CSMD1: variants seen among roughly 807,000 people sequenced by gnomAD.
The protein encoded by CSMD1 is CUB and Sushi multiple domains 1.
CSMD1 carries 213 observed loss-of-function variants against 417.5 expected under a neutral mutation model. The observed-to-expected ratio is 0.51, with a 90% confidence interval of 0.46 to 0.57. The LOEUF (loss-of-function observed/expected upper bound fraction) is 0.57, where lower values mean the gene tolerates loss of function less well. Ranked by LOEUF, CSMD1 falls within the 20% of genes least tolerant of loss-of-function variation. The pLI is 0.00. For missense variants in CSMD1, 6,923 were observed against 4,529.7 expected, an observed-to-expected ratio of 1.53 and a Z score of -15.17; for synonymous variants, 2,862 against 1,736.8, an observed-to-expected ratio of 1.65 and a Z score of -16.11.
chr8:3,863,621 T>C (rs565694745), intron 5 of CSMD1, among the ~76,000 whole-genome samples: 1 of 152,314 alleles, frequency 6.6e-6, no homozygotes, highest in East Asian at 1.9e-4. Context: ...ATGTATGTTT[T>C]GTTCACTTCA....
chr8:4,898,968 A>G (rs1056675242), intron 1 of CSMD1, among the ~76,000 whole-genome samples: 1 of 152,198 alleles, frequency 6.6e-6, no homozygotes, highest in Non-Finnish European at 1.5e-5. Context: ...ATTATTTTTA[A>G]TATTACGGTA....
Position 4,618,869 on chromosome 8 carries a change from G to A in CSMD1, c.302+18473C>T, listed in dbSNP as rs116922370. Among the ~76,000 whole-genome samples, 851 of 152,230 alleles carry A rather than the reference G, an allele frequency of 5.6e-3. 7 individuals carry two copies. Among genetic ancestry groups the A allele is most frequent in the Middle Eastern group, 0.02 (6 of 294 alleles). Reference sequence around the variant, plus strand: ...TTAATGTGTGGTATATGAAATACAAGAGTACACGTAATAGAATAGACAGAG... The same window carrying A: ...TTAATGTGTGGTATATGAAATACAAAAGTACACGTAATAGAATAGACAGAG... On this transcript the variant is annotated intron_variant, in intron 2 of 69. Transcript: ENST00000635120.
intron 37 of CSMD1, among the ~76,000 whole-genome samples, chr8:3,174,886 G>A (rs1158143944): frequency 1.3e-5 from 2 of 151,828 alleles, no homozygotes; most frequent in Admixed American, 1.3e-4. Flanking sequence ...AAAAAATCTA[G>A]ATATTCTTAT....
chr8:4,174,110 G>A (rs1481353178), intron 3 of CSMD1, among the ~76,000 whole-genome samples: 1 of 152,116 alleles, frequency 6.6e-6, no homozygotes, highest in Admixed American at 6.5e-5. Flanking sequence ...CAGAGTGGAG[G>A]GTAGGGCAAG....
At chr8:3,310,709 C>T (rs531970637) in intron 23 of CSMD1, among the ~76,000 whole-genome samples, 105 of 152,150 alleles carry the variant, frequency 6.9e-4, no homozygotes, top group South Asian at 2.1e-3. Flanking sequence ...GGGTGAGGGC[C>T]GCCCATGCTA....
At chr8:4,237,679 C>A (rs553808632) in intron 3 of CSMD1, among the ~76,000 whole-genome samples, 1 of 152,202 alleles carries the variant, frequency 6.6e-6, no homozygotes, top group East Asian at 1.9e-4. Context: ...CCATGCCCAG[C>A]TAATTTTACT....
At chr8:3,177,716 G>A (rs1292496665) in intron 37 of CSMD1, among the ~76,000 whole-genome samples, 1 of 152,100 alleles carries the variant, frequency 6.6e-6, no homozygotes, top group Non-Finnish European at 1.5e-5. Flanking sequence ...CAATCTTGTT[G>A]TTCCTCCCAC....
chr8:3,709,153 A>ATT lies in CSMD1; in HGVS notation c.932-664_932-663dup, dbSNP rs10646728. Reference sequence around the variant, plus strand: ...TGCATTAAACATTTTAAGAAGTTTCATTTTTTTTTTTTGGTCACTTACGGA... The same window carrying ATT: ...TGCATTAAACATTTTAAGAAGTTTCATTTTTTTTTTTTTTGGTCACTTACGGA... On this transcript the variant is annotated intron_variant, in intron 6 of 69. Coordinates refer to ENST00000635120, the MANE Select transcript of CSMD1 (RefSeq NM_033225.6). Among the ~76,000 whole-genome samples, 623 of 145,986 alleles carry ATT rather than the reference A, an allele frequency of 4.3e-3. 4 individuals are homozygous for ATT. Among genetic ancestry groups the ATT allele is most frequent in the East Asian group, 5.9e-3 (29 of 4,942 alleles).
chr8:4,413,843 G>A (rs1040222400), intron 3 of CSMD1, among the ~76,000 whole-genome samples: 2 of 152,134 alleles, frequency 1.3e-5, no homozygotes, highest in Non-Finnish European at 2.9e-5. Context: ...TACTTGTTAT[G>A]AAATGAGGAA....
chr8:4,441,884 G>A (rs1436809708), intron 2 of CSMD1, among the ~76,000 whole-genome samples: 1 of 152,184 alleles, frequency 6.6e-6, no homozygotes, highest in Non-Finnish European at 1.5e-5. Flanking sequence ...TTTAAAGTAT[G>A]CTGCTACAAT....
intron 7 of CSMD1, among the ~76,000 whole-genome samples, chr8:3,692,247 T>TA (rs1344559094): frequency 6.6e-6 from 1 of 152,160 alleles, no homozygotes; most frequent in Non-Finnish European, 1.5e-5. Context: ...ACAGCCCCCT[T>TA]AGTCGCTATC....
At position 3,647,247 on chromosome 8, in the gene CSMD1, T is replaced by C. The variant is rs761312970; in HGVS notation, c.1010-30450A>G. ...CTGTGAAACTTCAGCAAGGGATGAGTAACAACTCAGATAAAAGGAGACCAG... is the reference window on the plus strand; with the variant it reads ...CTGTGAAACTTCAGCAAGGGATGAGCAACAACTCAGATAAAAGGAGACCAG... On this transcript the variant is annotated intron_variant, in intron 7 of 69. Coordinates refer to ENST00000635120, the MANE Select transcript of CSMD1 (RefSeq NM_033225.6). 5.7e-4 allele frequency among the ~76,000 whole-genome samples: 86 copies of C among 152,128 alleles called. 1 individual carries two copies. The highest frequency in any genetic ancestry group is 3.0e-3 in the Admixed American group (46 of 15,266).
intron 2 of CSMD1, among the ~76,000 whole-genome samples, chr8:4,520,938 A>G (rs958794506): frequency 6.6e-6 from 1 of 152,168 alleles, no homozygotes; most frequent in African/African-American, 2.4e-5. Context: ...AATTAGTCAT[A>G]TCAGTTATGA....
chr8:4,442,062 A>C (rs1375642469), intron 2 of CSMD1, among the ~76,000 whole-genome samples: 5 of 152,104 alleles, frequency 3.3e-5, no homozygotes, highest in Admixed American at 2.6e-4. Flanking sequence ...ATTTTGTTTC[A>C]AAACTGCTCA....
intron 3 of CSMD1, among the ~76,000 whole-genome samples, chr8:4,152,718 TAC>T (rs565727046): frequency 6.6e-6 from 1 of 151,800 alleles, no homozygotes; most frequent in East Asian, 1.9e-4. Context: ...CCTTTACATA[TAC>T]ACACACACAA....
Position 3,399,540 on chromosome 8 carries a change from A to G in CSMD1, c.2267-11T>C, listed in dbSNP as rs771609196. 6.4e-7 allele frequency: 1 copy of G among 1,573,384 alleles called. No homozygotes were observed. Among genetic ancestry groups the G allele is most frequent in the Admixed American group, 1.9e-5 (1 of 53,064 alleles). ...GTCCACCACATGGAGCTAAAACAAGACGTAGAATATCTATTAGATCCAATG... is the reference window on the plus strand; with the variant it reads ...GTCCACCACATGGAGCTAAAACAAGGCGTAGAATATCTATTAGATCCAATG... On this transcript the variant is annotated splice_polypyrimidine_tract_variant and intron_variant, in intron 15 of 69. Transcript: ENST00000635120.
intron 4 of CSMD1, among the ~76,000 whole-genome samples, chr8:4,007,708 T>G (rs1816235985): frequency 6.6e-6 from 1 of 152,140 alleles, no homozygotes; most frequent in Admixed American, 6.5e-5. Context: ...GAATGAAAAT[T>G]GAATGACTCT....
intron 2 of CSMD1, among the ~76,000 whole-genome samples, chr8:4,531,379 A>G (rs1796810898): frequency 6.6e-6 from 1 of 152,180 alleles, no homozygotes; most frequent in African/African-American, 2.4e-5. Context: ...GGTATTGGAA[A>G]AAGTCTTGAA....
At chr8:3,984,102 T>C (rs77538135) in intron 5 of CSMD1, among the ~76,000 whole-genome samples, 1 of 88,732 alleles carries the variant, frequency 1.1e-5, no homozygotes, top group Non-Finnish European at 2.5e-5. Context: ...GGGCTGTCAA[T>C]AGCAACTCTA....
Sources: allele counts gnomAD v4.1 joint callset (sites outside exome capture counted in the v4.1 genomes callset), GRCh38; gene constraint gnomAD v4.1.1; transcripts MANE v1.5; gene names NCBI Gene and HGNC (gene_info 2026-07-23, HGNC 2026-07-21).